The following ANKS1B variants were observed in gnomAD, a reference collection of about 807,000 sequenced individuals.
ANKS1B encodes the protein ankyrin repeat and sterile alpha motif domain containing 1B, also known as ankyrin repeat and sterile alpha motif domain-containing protein 1B.
Under a neutral mutation model 148.3 loss-of-function variants are expected in ANKS1B, and 36 were observed. The observed-to-expected ratio is 0.24, with a 90% CI of 0.19 to 0.32. The LOEUF (loss-of-function observed/expected upper bound fraction) is 0.32. ANKS1B is among the 10% of genes least tolerant of loss of function. The pLI is 1.00. For synonymous variants in ANKS1B, 542 were observed against 560.8 expected, an observed-to-expected ratio of 0.97 and a Z score of 0.47; for missense variants, 1,157 against 1,542.6, an observed-to-expected ratio of 0.75 and a Z score of 4.19.
chr12:99,453,863 T>C (rs1221708715), intron 10 of ANKS1B, among the ~76,000 whole-genome samples: 1 of 152,090 alleles, frequency 6.6e-6, no homozygotes, highest in Non-Finnish European at 1.5e-5. Context: ...TTGTGTTACT[T>C]ATGCTACAAA....
intron 8 of ANKS1B, among the ~76,000 whole-genome samples, chr12:99,724,605 T>C (rs1411579961): frequency 1.3e-5 from 2 of 152,162 alleles, no homozygotes; most frequent in South Asian, 2.1e-4. Context: ...TAGGAGAATG[T>C]TGCCAACCTA....
intron 14 of ANKS1B, among the ~76,000 whole-genome samples, chr12:99,233,684 T>C (rs897079262): frequency 1.3e-5 from 2 of 152,156 alleles, no homozygotes; most frequent in Non-Finnish European, 2.9e-5. Context: ...TTATATTTAC[T>C]CTTATTTCTG....
intron 10 of ANKS1B, among the ~76,000 whole-genome samples, chr12:99,466,803 T>C (rs1342690506): frequency 6.6e-6 from 1 of 151,872 alleles, no homozygotes; most frequent in East Asian, 1.9e-4. Context: ...ATCAATAGCT[T>C]ACCAACCAAA....
chr12:99,537,418 A>G (rs115125594), intron 9 of ANKS1B, among the ~76,000 whole-genome samples: 2,092 of 152,242 alleles, frequency 0.014, 42 homozygotes, highest in African/African-American at 0.047. Flanking sequence ...CATCCTCACC[A>G]GCACTTGTTA....
At chr12:99,407,208 G>T (rs1016450378) in intron 11 of ANKS1B, among the ~76,000 whole-genome samples, 2 of 146,094 alleles carry the variant, frequency 1.4e-5, no homozygotes, top group African/African-American at 5.2e-5. Flanking sequence ...TCCCAGGGAT[G>T]CAAGGATGGT....
At chr12:99,514,767 G>A (rs1305376007) in intron 9 of ANKS1B, among the ~76,000 whole-genome samples, 1 of 151,960 alleles carries the variant, frequency 6.6e-6, no homozygotes, top group Non-Finnish European at 1.5e-5. Flanking sequence ...ATCTAGCTCT[G>A]CCAATTTTCA....
At chr12:99,666,688 T>A (rs1165492903) in intron 8 of ANKS1B, among the ~76,000 whole-genome samples, 1 of 152,148 alleles carries the variant, frequency 6.6e-6, no homozygotes, top group Non-Finnish European at 1.5e-5. Flanking sequence ...TCAAATGGTA[T>A]TATTAGGTTA....
chr12:99,508,862 G>C (rs1311867920), intron 9 of ANKS1B, among the ~76,000 whole-genome samples: 1 of 151,668 alleles, frequency 6.6e-6, no homozygotes, highest in Admixed American at 6.6e-5. Context: ...AAGGTGTATC[G>C]TGTTTTACAG....
intron 12 of ANKS1B, among the ~76,000 whole-genome samples, chr12:99,349,763 T>C (rs1340137322): frequency 4.0e-5 from 6 of 151,784 alleles, no homozygotes; most frequent in Admixed American, 1.3e-4. Flanking sequence ...CAATAATGGA[T>C]AAAATAACTA....
At chr12:99,772,819 A>G (rs1461842902) in intron 8 of ANKS1B, 103 bp downstream of exon 8, 2 of 1,193,340 alleles carry the variant, frequency 1.7e-6, no homozygotes, top group African/African-American at 3.1e-5. Context: ...GACATCTTAG[A>G]GTGGCGGAAT....
intron 10 of ANKS1B, among the ~76,000 whole-genome samples, chr12:99,462,710 T>C (rs886961353): frequency 3.9e-5 from 6 of 152,210 alleles, no homozygotes; most frequent in Non-Finnish European, 8.8e-5. Context: ...CCAAATCTCA[T>C]GTTGAAATGT....
chr12:99,481,501 A>G (rs1032798124), intron 10 of ANKS1B, among the ~76,000 whole-genome samples: 2 of 151,972 alleles, frequency 1.3e-5, no homozygotes, highest in Admixed American at 1.3e-4. Flanking sequence ...TGCTATAAAC[A>G]TATGTGTGCC....
At chr12:99,875,535 A>G (rs544406787) in intron 1 of ANKS1B, among the ~76,000 whole-genome samples, 1 of 152,292 alleles carries the variant, frequency 6.6e-6, no homozygotes, top group East Asian at 1.9e-4. Flanking sequence ...GAAAGAAAGA[A>G]ATTTTGAAGA....
chr12:98,877,444 T>C (rs114246305), intron 17 of ANKS1B, among the ~76,000 whole-genome samples: 1,742 of 152,322 alleles, frequency 0.011, 29 homozygotes, highest in African/African-American at 0.04. Context: ...ACTCAGGTAG[T>C]ATATACAACA....
intron 10 of ANKS1B, among the ~76,000 whole-genome samples, chr12:99,453,226 C>A (rs11109848): frequency 0.17 from 25,237 of 151,896 alleles, 2,265 homozygotes; most frequent in South Asian, 0.21. Context: ...GGAAGCAGAG[C>A]TTGGAGTGAG....
chr12:99,935,290 T>C (rs1603467969), intron 1 of ANKS1B, among the ~76,000 whole-genome samples: 2 of 148,994 alleles, frequency 1.3e-5, no homozygotes, highest in South Asian at 4.2e-4. Context: ...GGGGCGTGTT[T>C]AGAAAAGTGA....
At chr12:98,759,383 A>AAGTG (rs1179208038) in intron 25 of ANKS1B, among the ~76,000 whole-genome samples, 1 of 152,088 alleles carries the variant, frequency 6.6e-6, no homozygotes, top group Admixed American at 6.6e-5. Flanking sequence ...GGGGGAGTAA[A>AAGTG]AGTGTCCATC....
chr12:99,399,511 C>T, intron 12 of ANKS1B, 120 bp downstream of exon 12: 1 of 1,016,466 alleles, frequency 9.8e-7, no homozygotes, highest in Non-Finnish European at 1.4e-6. Context: ...TACATTGCCA[C>T]ACATGGAGGT....
intron 26 of ANKS1B, among the ~76,000 whole-genome samples, chr12:98,749,625 G>A (rs2098019414): frequency 6.6e-6 from 1 of 152,132 alleles, no homozygotes; most frequent in African/African-American, 2.4e-5. Flanking sequence ...GATATTCCAG[G>A]TGTGGGGAGC....
Sources: allele counts gnomAD v4.1 joint callset (sites outside exome capture counted in the v4.1 genomes callset), GRCh38; gene constraint gnomAD v4.1.1; transcripts MANE v1.5; gene names NCBI Gene and HGNC (gene_info 2026-07-23, HGNC 2026-07-21).